Variants in DNAJC9 observed in about 807,000 individuals in gnomAD.
The protein encoded by DNAJC9 is DnaJ heat shock protein family (Hsp40) member C9.
A neutral mutation model predicts 32.4 loss-of-function variants in DNAJC9; 18 were observed. The ratio of observed to expected loss-of-function variants is 0.56; its 90% CI spans 0.38 to 0.82. The LOEUF (loss-of-function observed/expected upper bound fraction) is 0.82. Ranked by LOEUF, DNAJC9 falls within the 40% of genes least tolerant of loss-of-function variation. The pLI is 0.00. For synonymous variants in DNAJC9, 113 were observed against 122.1 expected, an observed-to-expected ratio of 0.93 and a Z score of 0.49; for missense variants, 310 against 321.8, an observed-to-expected ratio of 0.96 and a Z score of 0.28.
At chr10:73,240,973 C>T (rs772345938), downstream of DNAJC9, 165 of 1,542,314 alleles carry the variant, frequency 1.1e-4, no homozygotes, top group Non-Finnish European at 1.4e-4. Flanking sequence ...TCTACAAAAT[C>T]TCAAAGCGGA....
Position 73,246,740 on chromosome 10 carries a change from A to G in DNAJC9, c.269T>C (p.Val90Ala). The change falls in exon 2 of 5, where the codon GTG becomes GCG. Residue 90 changes from valine to alanine, a missense_variant. Transcript: ENST00000372950. ...EQGTVDEDSP[V>A]LTQDRDWEAY... ...CTCCCAGTCTCGGTCTTGGGTGAGCACAGGAGAGTCCTCGTCCACTGTTCC... is the reference window on the plus strand; with the variant it reads ...CTCCCAGTCTCGGTCTTGGGTGAGCGCAGGAGAGTCCTCGTCCACTGTTCC... 1 of 1,614,082 alleles carries G rather than the reference A, an allele frequency of 6.2e-7. No homozygotes were observed. The highest frequency in any genetic ancestry group is 8.5e-7 in the Non-Finnish European group (1 of 1,179,956).
chr10:73,239,282 A>AT (rs2043890958), downstream of DNAJC9: 3 of 1,531,486 alleles, frequency 2.0e-6, no homozygotes, highest in Non-Finnish European at 2.7e-6. Context: ...AAGATGCATC[A>AT]TAAGAAGTGT....
downstream of DNAJC9, chr10:73,235,540 C>A: frequency 1.0e-6 from 1 of 1,000,916 alleles, no homozygotes; most frequent in Non-Finnish European, 1.4e-6. Flanking sequence ...ATATTCTAAG[C>A]AATTTAACAC....
intron 3 of DNAJC9, among the ~76,000 whole-genome samples, chr10:73,245,635 G>A (rs2043998381): frequency 6.6e-6 from 1 of 152,112 alleles, no homozygotes. Flanking sequence ...CCTGAGGAAT[G>A]CCTCAGGAAT....
downstream of DNAJC9, among the ~76,000 whole-genome samples, chr10:73,240,690 G>C (rs1235917747): frequency 5.3e-5 from 8 of 151,632 alleles, no homozygotes; most frequent in Non-Finnish European, 8.8e-5. Flanking sequence ...TCCAGCCTGG[G>C]GGGACAGAGT....
chr10:73,232,567 TCAAA>T (rs1451026200), intron 2 of DNAJC9, among the ~76,000 whole-genome samples: 3 of 152,204 alleles, frequency 2.0e-5, no homozygotes, highest in African/African-American at 4.8e-5. Flanking sequence ...AAAGAATGCC[TCAAA>T]CAGAGTAGGA....
intron 2 of DNAJC9, 22 bp downstream of exon 2, chr10:73,246,666 A>G: frequency 6.2e-7 from 1 of 1,613,742 alleles, no homozygotes; most frequent in Non-Finnish European, 8.5e-7. Context: ...ACAGTCACAA[A>G]GAAACCTCCA....
chr10:73,233,128 A>G (rs1483355010), intron 2 of DNAJC9: 2 of 1,551,748 alleles, frequency 1.3e-6, no homozygotes, highest in South Asian at 2.4e-5. Flanking sequence ...CTGAAACACC[A>G]AGATCTGTGG....
Position 73,247,204 on chromosome 10 carries a change from C to A in DNAJC9, c.-15G>T. ...AGCAGCCCCATGCCGGGCGGAGATA[C>A]GACCCCGGAGGAAGCAGCCGCTCCC... On this transcript the variant is annotated 5_prime_UTR_variant, in exon 1 of 5. Transcript: ENST00000372950. The A allele has an allele frequency of 1.3e-6, 2 of 1,582,740 alleles. No homozygotes were observed.
downstream of DNAJC9, among the ~76,000 whole-genome samples, chr10:73,240,438 C>T (rs56195322): frequency 0.013 from 2,028 of 152,244 alleles, 24 homozygotes; most frequent in Middle Eastern, 0.037. Context: ...ACTGGCTGGG[C>T]GTGGTGGCTC....
downstream of DNAJC9, chr10:73,239,364 G>A (rs577915763): frequency 9.0e-6 from 14 of 1,551,588 alleles, no homozygotes; most frequent in Admixed American, 2.0e-5. Context: ...CATCAGGCCC[G>A]ACCTGGCAGG....
chr10:73,240,448 C>G (rs550738659), downstream of DNAJC9, among the ~76,000 whole-genome samples: 4 of 152,184 alleles, frequency 2.6e-5, no homozygotes, highest in Non-Finnish European at 5.9e-5. Flanking sequence ...CGTGGTGGCT[C>G]ATGCCTGTAA....
At chr10:73,233,297 T>C in intron 2 of DNAJC9, 2 of 672,670 alleles carry the variant, frequency 3.0e-6, no homozygotes, top group Admixed American at 2.7e-5. Flanking sequence ...AGATTGCCCA[T>C]GGGTTTAGAT....
intron 2 of DNAJC9, among the ~76,000 whole-genome samples, chr10:73,233,532 A>G (rs913289207): frequency 6.6e-6 from 1 of 152,064 alleles, no homozygotes; most frequent in Non-Finnish European, 1.5e-5. Flanking sequence ...TAGTAGAGAC[A>G]GGGGTCTTGT....
At chr10:73,233,472 G>A (rs755504012) in intron 2 of DNAJC9, among the ~76,000 whole-genome samples, 5 of 152,106 alleles carry the variant, frequency 3.3e-5, no homozygotes, top group Admixed American at 1.3e-4. Context: ...TCAAGTAGCC[G>A]GGACCACAGG....
chr10:73,235,413 G>A, downstream of DNAJC9: 1 of 1,492,158 alleles, frequency 6.7e-7, no homozygotes, highest in South Asian at 1.3e-5. Flanking sequence ...TTATCTAGAG[G>A]CTTAACCCAG....
At chr10:73,235,115 C>T, downstream of DNAJC9, 2 of 1,486,662 alleles carry the variant, frequency 1.3e-6, no homozygotes, top group Non-Finnish European at 1.8e-6. Context: ...CCATATCTGC[C>T]ATGGTCGATA....
Position 73,246,174 on chromosome 10 carries a change from T to C in DNAJC9, c.324A>G (p.Ile108Met). The C allele has an allele frequency of 6.3e-7, 1 of 1,597,498 alleles. No homozygotes were observed. The highest frequency in any genetic ancestry group is 2.2e-5 in the East Asian group (1 of 44,824). Reference sequence around the variant, plus strand: ...CAAAAGCTTGAATGTCCTCTAAAGATATCTGATGATAAAGGAGATTTGCTT... The same window carrying C: ...CAAAAGCTTGAATGTCCTCTAAAGACATCTGATGATAAAGGAGATTTGCTT... Reference protein sequence around the residue: ...EAYWRLLFKKISLEDIQAFEK... With the variant: ...EAYWRLLFKKMSLEDIQAFEK... The change falls in exon 3 of 5, where the codon ATA (isoleucine) becomes ATG (methionine). Residue 108 changes from isoleucine (I) to methionine (M), a missense_variant and splice_region_variant. By Grantham distance (10) the Ile-to-Met change is conservative. Transcript: ENST00000372950.
chr10:73,247,033 C>T lies in DNAJC9; in HGVS notation c.157G>A (p.Glu53Lys), dbSNP rs997736381. The change falls in exon 1 of 5, where the codon GAG becomes AAG. Residue 53 changes from glutamate (E) to lysine (K), a missense_variant. Coordinates refer to ENST00000372950, the MANE Select transcript of DNAJC9 (RefSeq NM_015190.5). The stretch of plus-strand genomic sequence containing the variant: ...ACCTGGAAGCGGCGGGTGGCGTCCT[C>T]CTTGTCGCCCTCACCCACCCGGTCC... Reference protein sequence around the residue: ...HPDRVGEGDKEDATRRFQILG... With the variant: ...HPDRVGEGDKKDATRRFQILG... The T allele has an allele frequency of 6.5e-7, 1 of 1,532,480 alleles. No homozygotes were observed. Among genetic ancestry groups the T allele is most frequent in the South Asian group, 1.3e-5 (1 of 79,068 alleles). The allele number at this position is 1,532,480 out of a possible 1,614,324, so 94.9% of individuals were successfully genotyped here.
Sources: allele counts gnomAD v4.1 joint callset (sites outside exome capture counted in the v4.1 genomes callset), GRCh38; gene constraint gnomAD v4.1.1; transcripts MANE v1.5; gene names NCBI Gene and HGNC (gene_info 2026-07-23, HGNC 2026-07-21).